Variants in DGKB observed in about 807,000 individuals in gnomAD.
The protein encoded by DGKB is 90 kDa diacylglycerol kinase.
DGKB carries 67 observed loss-of-function variants against 114.3 expected under a neutral mutation model. The observed-to-expected ratio is 0.59, with a 90% confidence interval of 0.48 to 0.72. The LOEUF is 0.72. Ranked by LOEUF, DGKB falls within the 30% of genes least tolerant of loss-of-function variation. DGKB has a pLI of 0.00. For missense variants in DGKB, 907 were observed against 975.2 expected (o/e 0.93, Z 0.93); for synonymous variants, 398 against 323.1 (o/e 1.23, Z -2.49).
intron 2 of DGKB, among the ~76,000 whole-genome samples, chr7:14,817,713 A>G (rs1844357266): frequency 1.3e-5 from 2 of 152,208 alleles, no homozygotes; most frequent in African/African-American, 4.8e-5. Context: ...CATCTAAAAT[A>G]AGCACAAATG....
At chr7:14,793,301 G>T (rs1265079939) in intron 2 of DGKB, among the ~76,000 whole-genome samples, 1 of 152,008 alleles carries the variant, frequency 6.6e-6, no homozygotes, top group Non-Finnish European at 1.5e-5. Context: ...TGGTTGAATT[G>T]CTCCCCCGCC....
At chr7:14,769,063 T>G (rs1836884418) in intron 2 of DGKB, among the ~76,000 whole-genome samples, 1 of 108,516 alleles carries the variant, frequency 9.2e-6, no homozygotes, top group African/African-American at 3.3e-5. Flanking sequence ...GTAAACATTT[T>G]TAAAGATAAG....
intron 20 of DGKB, among the ~76,000 whole-genome samples, chr7:14,546,537 T>A (rs1373333216): frequency 6.6e-6 from 1 of 152,180 alleles, no homozygotes; most frequent in African/African-American, 2.4e-5. Flanking sequence ...GCTCAACTAC[T>A]GCATTTTAAA....
chr7:14,748,335 T>C (rs1432475272), intron 4 of DGKB, among the ~76,000 whole-genome samples: 2 of 152,228 alleles, frequency 1.3e-5, no homozygotes, highest in African/African-American at 4.8e-5. Flanking sequence ...AAAAGATTTC[T>C]TGGGGGAATG....
intron 23 of DGKB, among the ~76,000 whole-genome samples, chr7:14,286,863 T>C (rs576727964): frequency 2.0e-4 from 31 of 152,282 alleles, no homozygotes; most frequent in African/African-American, 7.2e-4. Flanking sequence ...AGAAAAATGT[T>C]TCAATGGACA....
chr7:14,419,085 T>C (rs1444505324), intron 21 of DGKB, among the ~76,000 whole-genome samples: 1 of 151,884 alleles, frequency 6.6e-6, no homozygotes, highest in African/African-American at 2.4e-5. Context: ...ATAGAATCCT[T>C]ACTCTGGGAC....
rs2128328604 is a variant in DGKB, at chr7:14,224,651, T to C, written c.2123-46500A>G. ...ACATTGGGACTTGTTTGCTTGTTTG[T>C]TTTGTGACTGTCTGGCTTATCTTTG... On this transcript the variant is annotated intron_variant, in intron 23 of 25. Transcript: ENST00000402815. Among the ~76,000 whole-genome samples the C allele has an allele frequency of 1.3e-5, 2 of 152,046 alleles. 1 individual carries two copies. Among genetic ancestry groups the C allele is most frequent in the Middle Eastern group, 6.8e-3 (2 of 292 alleles).
intron 21 of DGKB, among the ~76,000 whole-genome samples, chr7:14,387,145 T>C (rs1007357252): frequency 3.9e-5 from 6 of 151,950 alleles, no homozygotes; most frequent in South Asian, 2.1e-4. Flanking sequence ...GTGTCTTGGC[T>C]GGGCGCGGTG....
At chr7:14,346,722 A>G (rs1812539056) in intron 21 of DGKB, among the ~76,000 whole-genome samples, 1 of 151,954 alleles carries the variant, frequency 6.6e-6, no homozygotes, top group South Asian at 2.1e-4. Flanking sequence ...ATTAATGTAA[A>G]TGTCTATTTT....
intron 21 of DGKB, among the ~76,000 whole-genome samples, chr7:14,442,003 T>C (rs1372242434): frequency 1.3e-5 from 2 of 152,038 alleles, no homozygotes; most frequent in Non-Finnish European, 2.9e-5. Flanking sequence ...GTACTTGATA[T>C]TAGCTTTTAA....
At chr7:14,964,908 G>T (rs1014281939) in intron 1 of DGKB, among the ~76,000 whole-genome samples, 1 of 151,976 alleles carries the variant, frequency 6.6e-6, no homozygotes, top group African/African-American at 2.4e-5. Context: ...AGATAGTACT[G>T]GATCATAACC....
intron 23 of DGKB, among the ~76,000 whole-genome samples, chr7:14,324,365 T>A (rs1004291931): frequency 1.3e-5 from 2 of 150,724 alleles, no homozygotes; most frequent in African/African-American, 4.9e-5. Context: ...GAGAATTGCT[T>A]GACCCCAGGA....
intron 23 of DGKB, among the ~76,000 whole-genome samples, chr7:14,255,728 T>C (rs1795870279): frequency 6.9e-6 from 1 of 145,948 alleles, no homozygotes; most frequent in Non-Finnish European, 1.5e-5. Context: ...TATTACACTG[T>C]CTTCTCATCT....
intron 23 of DGKB, among the ~76,000 whole-genome samples, chr7:14,323,407 C>T (rs1372557992): frequency 1.3e-5 from 2 of 152,100 alleles, no homozygotes; most frequent in African/African-American, 4.8e-5. Context: ...CACTTTTCTG[C>T]ACATATGTTG....
intron 21 of DGKB, among the ~76,000 whole-genome samples, chr7:14,466,762 G>T (rs1780536088): frequency 6.6e-6 from 1 of 152,140 alleles, no homozygotes; most frequent in African/African-American, 2.4e-5. Context: ...AGGTTGCAGT[G>T]AGCTGAGATC....
At chr7:14,722,005 C>A (rs1229247138) in intron 5 of DGKB, among the ~76,000 whole-genome samples, 1 of 152,152 alleles carries the variant, frequency 6.6e-6, no homozygotes, top group East Asian at 1.9e-4. Flanking sequence ...AATTCTACTT[C>A]TGTTTATAAA....
upstream of DGKB, among the ~76,000 whole-genome samples, chr7:14,903,702 C>G (rs1005214254): frequency 1.3e-5 from 2 of 150,984 alleles, no homozygotes; most frequent in African/African-American, 2.5e-5. Context: ...GGGAGAAACT[C>G]TATGTATGTG....
chr7:14,832,352 G>GT (rs1422039059), intron 2 of DGKB, among the ~76,000 whole-genome samples: 2 of 151,930 alleles, frequency 1.3e-5, no homozygotes, highest in African/African-American at 4.8e-5. Context: ...CTTGTCCCCT[G>GT]TGAACATGTC....
intron 21 of DGKB, among the ~76,000 whole-genome samples, chr7:14,416,349 C>G (rs1206428503): frequency 6.6e-6 from 1 of 152,018 alleles, no homozygotes; most frequent in Admixed American, 6.6e-5. Context: ...GAGGATGTCC[C>G]TCCCACTCTT....
Sources: gnomAD v4.1 joint callset for allele counts (sites outside exome capture counted in the v4.1 genomes callset) on GRCh38, gnomAD v4.1.1 for gene constraint, MANE v1.5 for transcripts, NCBI Gene and HGNC (gene_info 2026-07-23, HGNC 2026-07-21) for gene names.